PLXNC1: variants seen among roughly 807,000 people sequenced by gnomAD.
The protein encoded by PLXNC1 is plexin C1.
In PLXNC1, 75 loss-of-function variants were observed where a neutral mutation model predicts 178.2. The observed-to-expected ratio is 0.42, with a 90% CI of 0.35 to 0.51. PLXNC1 has a LOEUF of 0.51. Among genes scored for constraint, PLXNC1 ranks in the 20% least tolerant of loss-of-function variants. The pLI is 0.02. For missense variants in PLXNC1, 1,503 were observed against 1,984.4 expected, an observed-to-expected ratio of 0.76 and a Z score of 4.61; for synonymous variants, 790 against 779.9, an observed-to-expected ratio of 1.01 and a Z score of -0.22.
chr12:94,203,538 A>G (rs1294690904), intron 4 of PLXNC1, among the ~76,000 whole-genome samples: 1 of 152,198 alleles, frequency 6.6e-6, no homozygotes, highest in Non-Finnish European at 1.5e-5. Flanking sequence ...TCTACTTGCT[A>G]TTATGCTGGC....
At chr12:94,210,616 C>T (rs1025555095) in intron 5 of PLXNC1, among the ~76,000 whole-genome samples, 9 of 152,204 alleles carry the variant, frequency 5.9e-5, no homozygotes, top group Non-Finnish European at 8.8e-5. Flanking sequence ...TTACCACTTA[C>T]GATGATTTAA....
Position 94,177,177 on chromosome 12 carries a change from GTA to G in PLXNC1, c.1204-4261_1204-4260del, listed in dbSNP as rs202104237. Among the ~76,000 whole-genome samples the G allele has an allele frequency of 3.6e-4, 22 of 61,954 alleles. 1 individual carries two copies. In the South Asian group the frequency reaches 0.011, roughly 31 times the overall value. 40.6% of individuals were successfully genotyped at this position (61,954 alleles called of 152,430 possible). A position where few individuals can be genotyped will look rare whatever the true frequency, so the allele number is the denominator to read the frequency against. ...TATATATATGTATATATATATATAC[GTA>G]TATATATGTATATATATATACGTAT... On this transcript the variant is annotated intron_variant, in intron 2 of 30. Coordinates refer to ENST00000258526, the MANE Select transcript of PLXNC1 (RefSeq NM_005761.3).
At position 94,303,748 on chromosome 12, in the gene PLXNC1, TTC is replaced by T; in HGVS notation, c.4387-7_4387-6del. Reference sequence around the variant, plus strand: ...TGATGGTTGCTTTTTTTTTTTTTTTTTCCCCAGGAAGCACCAACTAATAAGCT... The same window carrying T: ...TGATGGTTGCTTTTTTTTTTTTTTTTCCCAGGAAGCACCAACTAATAAGCT... On this transcript the variant is annotated splice_polypyrimidine_tract_variant and splice_region_variant and intron_variant, in intron 28 of 30. Transcript: ENST00000258526. 13 of 1,407,148 alleles carry T rather than the reference TTC, an allele frequency of 9.2e-6. No individual in the cohort carries two copies. The highest frequency in any genetic ancestry group is 2.8e-5 in the Admixed American group (1 of 35,734). The allele number at this position is 1,407,148 out of a possible 1,614,324, so 87.2% of individuals were successfully genotyped here. A position where few individuals can be genotyped will look rare whatever the true frequency, so the allele number is the denominator to read the frequency against.
intron 3 of PLXNC1, among the ~76,000 whole-genome samples, chr12:94,182,666 A>G (rs1257006491): frequency 6.6e-6 from 1 of 151,826 alleles, no homozygotes; most frequent in African/African-American, 2.4e-5. Context: ...TGGAGTTTGC[A>G]GTGAGCTGAC....
intron 2 of PLXNC1, among the ~76,000 whole-genome samples, chr12:94,171,493 C>T (rs1490969257): frequency 1.3e-5 from 2 of 152,114 alleles, no homozygotes; most frequent in Non-Finnish European, 2.9e-5. Flanking sequence ...ATGAGGGAAT[C>T]GAGGCCCAGA....
chr12:94,159,889 G>A (rs2135927588), intron 1 of PLXNC1, among the ~76,000 whole-genome samples: 1 of 152,292 alleles, frequency 6.6e-6, no homozygotes, highest in South Asian at 2.1e-4. Context: ...TTTGTTTATT[G>A]CAATCATTCA....
intron 2 of PLXNC1, among the ~76,000 whole-genome samples, chr12:94,171,849 G>C (rs1431181371): frequency 1.3e-5 from 2 of 152,084 alleles, no homozygotes; most frequent in Non-Finnish European, 2.9e-5. Flanking sequence ...CCCAATAAGA[G>C]AGAAGTTCTC....
chr12:94,226,528 C>T, intron 7 of PLXNC1, 77 bp from the exon 8 acceptor site: 1 of 950,066 alleles, frequency 1.1e-6, no homozygotes, highest in South Asian at 1.4e-5. Flanking sequence ...GCTTGCATGC[C>T]ACATCACAGA....
intron 23 of PLXNC1, among the ~76,000 whole-genome samples, chr12:94,291,500 G>A (rs1229071784): frequency 6.6e-6 from 1 of 152,070 alleles, no homozygotes; most frequent in Non-Finnish European, 1.5e-5. Context: ...CAAAGAGCTG[G>A]GATTACAGTC....
At chr12:94,180,559 G>A (rs1352989844) in intron 2 of PLXNC1, among the ~76,000 whole-genome samples, 1 of 152,162 alleles carries the variant, frequency 6.6e-6, no homozygotes, top group Non-Finnish European at 1.5e-5. Context: ...GAACAGTGCT[G>A]GGTACATAAT....
intron 9 of PLXNC1, among the ~76,000 whole-genome samples, chr12:94,234,224 A>G (rs574704367): frequency 6.6e-6 from 1 of 152,172 alleles, no homozygotes; most frequent in East Asian, 1.9e-4. Flanking sequence ...ATTCTTTTCA[A>G]TCATAGCAGT....
intron 9 of PLXNC1, among the ~76,000 whole-genome samples, chr12:94,232,991 T>G (rs1366151571): frequency 6.6e-6 from 1 of 152,218 alleles, no homozygotes; most frequent in Non-Finnish European, 1.5e-5. Context: ...ACTGATGATA[T>G]TAATAAAAGT....
intron 6 of PLXNC1, 26 bp downstream of exon 6, chr12:94,220,189 T>A: frequency 6.2e-7 from 1 of 1,603,874 alleles, no homozygotes; most frequent in Non-Finnish European, 8.5e-7. Flanking sequence ...TGGGTTATTT[T>A]TGTTATAAAA....
intron 10 of PLXNC1, among the ~76,000 whole-genome samples, chr12:94,240,038 C>G (rs1255918766): frequency 6.6e-6 from 1 of 152,174 alleles, no homozygotes; most frequent in Non-Finnish European, 1.5e-5. Flanking sequence ...CTTCATCTAT[C>G]TTATCTGGGA....
intron 21 of PLXNC1, among the ~76,000 whole-genome samples, chr12:94,266,167 A>T (rs773755208): frequency 6.6e-5 from 10 of 152,146 alleles, no homozygotes; most frequent in Non-Finnish European, 1.0e-4. Flanking sequence ...TCTGGGAAGA[A>T]TTCATTCCCT....
intron 21 of PLXNC1, among the ~76,000 whole-genome samples, chr12:94,270,000 ATAAT>A (rs1348124250): frequency 6.6e-6 from 1 of 152,258 alleles, no homozygotes; most frequent in Non-Finnish European, 1.5e-5. Flanking sequence ...GAATTAGAAA[ATAAT>A]TTAGTTATCT....
At chr12:94,240,135 C>A (rs577152110) in intron 10 of PLXNC1, among the ~76,000 whole-genome samples, 148 of 152,268 alleles carry the variant, frequency 9.7e-4, no homozygotes, top group African/African-American at 3.5e-3. Context: ...GCCATAGTGC[C>A]ATTATGATAC....
intron 12 of PLXNC1, 128 bp from the exon 13 acceptor site, chr12:94,247,775 T>A: frequency 2.6e-6 from 2 of 770,906 alleles, no homozygotes; most frequent in Non-Finnish European, 4.3e-6. Flanking sequence ...GTAGTTTTGC[T>A]GTCTCCATAT....
At chr12:94,200,417 C>T (rs1963078673) in intron 4 of PLXNC1, among the ~76,000 whole-genome samples, 1 of 152,174 alleles carries the variant, frequency 6.6e-6, no homozygotes, top group Non-Finnish European at 1.5e-5. Context: ...CATTCGAAGC[C>T]TTCCTGCCAG....
Sources: allele counts gnomAD v4.1 joint callset (sites outside exome capture counted in the v4.1 genomes callset), GRCh38; gene constraint gnomAD v4.1.1; transcripts MANE v1.5; gene names NCBI Gene and HGNC (gene_info 2026-07-23, HGNC 2026-07-21).